Variants in DLG1 observed in about 807,000 individuals in gnomAD.
DLG1 encodes disks large homolog 1.
In DLG1, 42 loss-of-function variants were observed where a neutral mutation model predicts 123.4. The ratio of observed to expected loss-of-function variants is 0.34; its 90% CI spans 0.27 to 0.44. DLG1 has a LOEUF of 0.44. Among genes scored for constraint, DLG1 ranks in the 20% least tolerant of loss-of-function variants. The pLI is 1.00. For synonymous variants in DLG1, 317 were observed against 356.2 expected (o/e 0.89, Z 1.24); for missense variants, 942 against 1,082.6 (o/e 0.87, Z 1.82).
intron 4 of DLG1, among the ~76,000 whole-genome samples, chr3:197,223,220 G>C (rs939403428): frequency 6.6e-6 from 1 of 152,142 alleles, no homozygotes; most frequent in African/African-American, 2.4e-5. Context: ...AGACATGAGA[G>C]ATTAAACAGG....
intron 12 of DLG1, among the ~76,000 whole-genome samples, chr3:197,116,921 A>G (rs1773602464): frequency 6.6e-6 from 1 of 152,158 alleles, no homozygotes; most frequent in Non-Finnish European, 1.5e-5. Flanking sequence ...CCTAAATTAG[A>G]TGGTGAATTC....
chr3:197,177,335 C>T (rs1807671991), intron 5 of DLG1, among the ~76,000 whole-genome samples: 1 of 152,102 alleles, frequency 6.6e-6, no homozygotes, highest in African/African-American at 2.4e-5. Flanking sequence ...TGGAAAATAA[C>T]CTATCAATTA....
intron 4 of DLG1, among the ~76,000 whole-genome samples, chr3:197,268,404 T>C (rs1360570880): frequency 1.3e-5 from 2 of 152,146 alleles, no homozygotes; most frequent in East Asian, 1.9e-4. Context: ...AATATGACAG[T>C]TGTTCCACTT....
chr3:197,262,118 T>C (rs2150968837), intron 4 of DLG1, among the ~76,000 whole-genome samples: 1 of 152,240 alleles, frequency 6.6e-6, no homozygotes, highest in Middle Eastern at 3.4e-3. Context: ...GCTAATGAGG[T>C]AACTTAAAGT....
chr3:197,078,793 A>G (rs1258925761), intron 17 of DLG1, among the ~76,000 whole-genome samples: 1 of 152,218 alleles, frequency 6.6e-6, no homozygotes, highest in Admixed American at 6.5e-5. Flanking sequence ...AATAATTTTT[A>G]TATCTGATAC....
chr3:197,257,907 T>C (rs1757558027), intron 4 of DLG1, among the ~76,000 whole-genome samples: 1 of 152,206 alleles, frequency 6.6e-6, no homozygotes, highest in South Asian at 2.1e-4. Flanking sequence ...GCCTGGCCTC[T>C]AACAATATTA....
At chr3:197,253,925 A>T (rs1030396903) in intron 4 of DLG1, among the ~76,000 whole-genome samples, 6 of 139,452 alleles carry the variant, frequency 4.3e-5, no homozygotes, top group African/African-American at 8.6e-5. Context: ...AGGTTTAATT[A>T]AAAAAAAAAA....
intron 4 of DLG1, among the ~76,000 whole-genome samples, chr3:197,218,627 A>G (rs1057250110): frequency 6.6e-6 from 1 of 152,196 alleles, no homozygotes; most frequent in Non-Finnish European, 1.5e-5. Flanking sequence ...CTGCTGTCTG[A>G]GATGTTTTTA....
chr3:197,103,574 T>C (rs751307350), intron 14 of DLG1, among the ~76,000 whole-genome samples: 3 of 151,762 alleles, frequency 2.0e-5, no homozygotes, highest in Admixed American at 6.6e-5. Flanking sequence ...TATTGTTTGG[T>C]TAATGTGAAT....
At position 197,158,274 on chromosome 3, in the gene DLG1, T is replaced by C. The variant is rs139418197; in HGVS notation, c.484-8478A>G. Among the ~76,000 whole-genome samples the C allele has an allele frequency of 1.1e-3, 174 of 151,964 alleles. 1 individual carries two copies. The highest frequency in any genetic ancestry group is 6.8e-3 in the Middle Eastern group (2 of 294). On this transcript the variant is annotated intron_variant, in intron 5 of 24. Coordinates refer to ENST00000667157, the MANE Select transcript of DLG1 (RefSeq NM_001366207.1). ...TATGAAGAAAACAGAAAATAAAAAG[T>C]GTTGGTGAGGATGTGGAGAAATTGG... is the stretch of plus-strand genomic sequence containing the variant.
intron 4 of DLG1, among the ~76,000 whole-genome samples, chr3:197,229,535 A>G (rs1741773568): frequency 6.6e-6 from 1 of 152,034 alleles, no homozygotes; most frequent in Non-Finnish European, 1.5e-5. Context: ...AGAGAAGCAA[A>G]TAATTTTTGC....
intron 13 of DLG1, among the ~76,000 whole-genome samples, chr3:197,114,579 C>T (rs1771980936): frequency 1.3e-5 from 2 of 152,216 alleles, no homozygotes; most frequent in African/African-American, 4.8e-5. Context: ...AAGCACAAAT[C>T]AAGGGCTTGC....
Position 197,149,794 on chromosome 3 carries a change from T to A in DLG1, c.486A>T (p.Ala162=). 6.3e-7 allele frequency: 1 copy of A among 1,584,350 alleles called. No individual in the cohort carries two copies. The highest frequency in any genetic ancestry group is 1.3e-5 in the African/African-American group (1 of 74,180). ...VSHSHISPIK[A]NPPPVLVNTD... ...TGTTGACCAGTACTGGGGGAGGATT[T>A]GCCTTTAAGAAGAAATTGTAAATGT... Residue 162 remains alanine, a splice_region_variant and synonymous_variant, in exon 6 of 25, where the codon GCA becomes GCT. Transcript: ENST00000667157.
intron 5 of DLG1, among the ~76,000 whole-genome samples, chr3:197,157,034 A>G (rs922341259): frequency 6.6e-6 from 1 of 152,182 alleles, no homozygotes; most frequent in African/African-American, 2.4e-5. Flanking sequence ...AAGAAAAACC[A>G]TATACAAAAC....
intron 4 of DLG1, among the ~76,000 whole-genome samples, chr3:197,223,838 G>T (rs1738396455): frequency 6.6e-6 from 1 of 152,052 alleles, no homozygotes; most frequent in East Asian, 1.9e-4. Context: ...TTACTTGTCA[G>T]TTTCACCACA....
chr3:197,250,980 CAAAAAAA>C (rs34378051), intron 4 of DLG1, among the ~76,000 whole-genome samples: 6 of 87,126 alleles, frequency 6.9e-5, no homozygotes, highest in Non-Finnish European at 1.4e-4. Context: ...AAGACTCCAT[CAAAAAAA>C]AAAAAAAAAA....
At chr3:197,088,037 C>T (rs1755434572) in intron 15 of DLG1, among the ~76,000 whole-genome samples, 2 of 152,120 alleles carry the variant, frequency 1.3e-5, no homozygotes, top group East Asian at 3.8e-4. Flanking sequence ...TGGCAGGAGA[C>T]AGGGATTCTT....
intron 4 of DLG1, among the ~76,000 whole-genome samples, chr3:197,204,680 T>C (rs1157622808): frequency 6.6e-6 from 1 of 152,022 alleles, no homozygotes; most frequent in Non-Finnish European, 1.5e-5. Flanking sequence ...ATAATACAAA[T>C]AAAGAACAAT....
chr3:197,268,425 A>G (rs867589182), intron 4 of DLG1, among the ~76,000 whole-genome samples: 22 of 151,592 alleles, frequency 1.5e-4, no homozygotes, highest in African/African-American at 5.1e-4. Context: ...CTCTTATAAC[A>G]TTTCTTTTTT....
Sources: gnomAD v4.1 joint callset for allele counts (sites outside exome capture counted in the v4.1 genomes callset) on GRCh38, gnomAD v4.1.1 for gene constraint, MANE v1.5 for transcripts, NCBI Gene and HGNC (gene_info 2026-07-23, HGNC 2026-07-21) for gene names.